Variants in ADAMTSL1 observed in about 807,000 individuals in gnomAD.
The protein encoded by ADAMTSL1 is ADAMTS-like protein 1.
A neutral mutation model predicts 201.8 loss-of-function variants in ADAMTSL1; 126 were observed. The ratio of observed to expected loss-of-function variants is 0.62; its 90% CI spans 0.54 to 0.72. The LOEUF is 0.72. ADAMTSL1 is among the 30% of genes least tolerant of loss of function. ADAMTSL1 has a pLI of 0.00. For synonymous variants in ADAMTSL1, 1,121 were observed against 903.4 expected, an observed-to-expected ratio of 1.24 and a Z score of -4.32; for missense variants, 2,679 against 2,277.8, an observed-to-expected ratio of 1.18 and a Z score of -3.59.
At chr9:18,470,625 A>G (rs928216428), upstream of ADAMTSL1, among the ~76,000 whole-genome samples, 29 of 152,140 alleles carry the variant, frequency 1.9e-4, no homozygotes, top group African/African-American at 7.0e-4. Context: ...CTAAGCAGAG[A>G]GGCTCAACCT....
At chr9:18,520,871 C>A (rs1030614777) in intron 2 of ADAMTSL1, among the ~76,000 whole-genome samples, 1 of 152,100 alleles carries the variant, frequency 6.6e-6, no homozygotes. Context: ...TGTGATGTAT[C>A]CCATGTAGAA....
At chr9:17,983,651 G>A (rs1422818781) in intron 1 of ADAMTSL1, among the ~76,000 whole-genome samples, 1 of 152,086 alleles carries the variant, frequency 6.6e-6, no homozygotes, top group Non-Finnish European at 1.5e-5. Flanking sequence ...TAGAATTTAT[G>A]ATTTTTAAAT....
chr9:18,164,391 T>C (rs1827543084), intron 2 of ADAMTSL1, among the ~76,000 whole-genome samples: 2 of 152,090 alleles, frequency 1.3e-5, no homozygotes, highest in Non-Finnish European at 2.9e-5. Flanking sequence ...TCTTTGTAGA[T>C]ATTCTTACTT....
chr9:18,168,818 C>G (rs1379551174), intron 2 of ADAMTSL1, among the ~76,000 whole-genome samples: 5 of 148,512 alleles, frequency 3.4e-5, no homozygotes, highest in Admixed American at 2.0e-4. Context: ...GATCGCCATT[C>G]TAACTGGTGT....
chr9:18,655,657 A>G (rs1015339576), intron 7 of ADAMTSL1, among the ~76,000 whole-genome samples: 2 of 152,144 alleles, frequency 1.3e-5, no homozygotes, highest in Non-Finnish European at 2.9e-5. Flanking sequence ...AAAAACAAAC[A>G]AACAAAAAAA....
chr9:18,364,501 G>C (rs183812358), intron 2 of ADAMTSL1, among the ~76,000 whole-genome samples: 32 of 152,192 alleles, frequency 2.1e-4, no homozygotes, highest in African/African-American at 7.7e-4. Context: ...AACTCCAAGA[G>C]ACACGAGTTC....
intron 15 of ADAMTSL1, among the ~76,000 whole-genome samples, chr9:18,731,845 A>G (rs953255398): frequency 2.6e-5 from 4 of 152,140 alleles, no homozygotes; most frequent in African/African-American, 9.7e-5. Context: ...AGAACTCACT[A>G]TCTTGAGGAT....
At chr9:18,679,253 G>A (rs1047911388) in intron 10 of ADAMTSL1, among the ~76,000 whole-genome samples, 3 of 152,094 alleles carry the variant, frequency 2.0e-5, no homozygotes, top group Admixed American at 2.0e-4. Flanking sequence ...TCAACCCAGT[G>A]ACATTTTGTT....
chr9:18,412,772 T>C (rs1818501938), intron 2 of ADAMTSL1, among the ~76,000 whole-genome samples: 1 of 152,206 alleles, frequency 6.6e-6, no homozygotes, highest in African/African-American at 2.4e-5. Context: ...ATTTCATTCA[T>C]GTTTAAAAGC....
chr9:18,248,079 G>A (rs913176194), intron 2 of ADAMTSL1, among the ~76,000 whole-genome samples: 1 of 152,100 alleles, frequency 6.6e-6, no homozygotes, highest in Non-Finnish European at 1.5e-5. Flanking sequence ...TTAGTTACCA[G>A]GAAACCTATC....
intron 1 of ADAMTSL1, among the ~76,000 whole-genome samples, chr9:17,952,647 G>T (rs1171334340): frequency 6.6e-6 from 1 of 151,970 alleles, no homozygotes; most frequent in Non-Finnish European, 1.5e-5. Flanking sequence ...GGCTGGAGTG[G>T]AGGGACCACA....
In ADAMTSL1 at chr9:18,500,139, A is replaced by G. The variant is rs530215910; in HGVS notation, c.64-4690A>G. Among the ~76,000 whole-genome samples the G allele has an allele frequency of 3.9e-5, 6 of 152,308 alleles. No homozygotes were observed. In the East Asian group the frequency reaches 9.7e-4, roughly 25 times the overall value. ...TTGGGCAGTGAGCTGCAGGGAAAATATTGCTTCATGTGATTACTCAAATTG... is the reference window on the plus strand; with the variant it reads ...TTGGGCAGTGAGCTGCAGGGAAAATGTTGCTTCATGTGATTACTCAAATTG... On this transcript the variant is annotated intron_variant, in intron 1 of 28. Coordinates refer to ENST00000380548, the MANE Select transcript of ADAMTSL1 (RefSeq NM_001040272.6).
At chr9:18,374,340 T>G (rs1837188609) in intron 2 of ADAMTSL1, among the ~76,000 whole-genome samples, 1 of 151,910 alleles carries the variant, frequency 6.6e-6, no homozygotes, top group East Asian at 1.9e-4. Context: ...TTTTAATTTT[T>G]TTTTTATTTT....
intron 1 of ADAMTSL1, among the ~76,000 whole-genome samples, chr9:18,078,938 C>T (rs190759216): frequency 1.5e-3 from 222 of 152,300 alleles, no homozygotes; most frequent in South Asian, 2.1e-3. Flanking sequence ...TTCCAGGCAG[C>T]GACCTCTCCT....
At chr9:17,969,167 G>C (rs148612672) in intron 1 of ADAMTSL1, among the ~76,000 whole-genome samples, 2 of 151,298 alleles carry the variant, frequency 1.3e-5, no homozygotes, top group East Asian at 2.0e-4. Context: ...AAAAATCAAA[G>C]ACAAATAAAA....
intron 2 of ADAMTSL1, among the ~76,000 whole-genome samples, chr9:18,350,506 G>C (rs1282582315): frequency 1.4e-5 from 2 of 142,120 alleles, no homozygotes; most frequent in Non-Finnish European, 3.1e-5. Context: ...AAAGGAGCAA[G>C]GAGAAAACTT....
chr9:18,748,402 G>A (rs1819265456), intron 15 of ADAMTSL1, among the ~76,000 whole-genome samples: 1 of 152,128 alleles, frequency 6.6e-6, no homozygotes, highest in Admixed American at 6.6e-5. Flanking sequence ...GACATAAATT[G>A]TATAACACCC....
rs183687760 is a variant in ADAMTSL1 at position 18,480,370 on chromosome 9, C to T, written c.63+6075C>T. Among the ~76,000 whole-genome samples the T allele has an allele frequency of 2.6e-5, 4 of 152,288 alleles. No individual in the cohort carries two copies. In the East Asian group the frequency reaches 7.7e-4, roughly 29 times the overall value. ...CCTATGTGATCCTCCAAGCATCAAA[C>T]ACTCTCTCTTTACCCACCTGCTGGA... On this transcript the variant is annotated intron_variant, in intron 1 of 28. Transcript: ENST00000380548.
intron 15 of ADAMTSL1, among the ~76,000 whole-genome samples, chr9:18,742,505 A>C (rs188526873): frequency 5.6e-4 from 86 of 152,308 alleles, no homozygotes; most frequent in African/African-American, 2.0e-3. Context: ...AGTATTGCAG[A>C]ATGTAAATGG....
Sources: gnomAD v4.1 joint callset for allele counts (sites outside exome capture counted in the v4.1 genomes callset) on GRCh38, gnomAD v4.1.1 for gene constraint, MANE v1.5 for transcripts, NCBI Gene and HGNC (gene_info 2026-07-23, HGNC 2026-07-21) for gene names.